Variants in PPP3R1 observed in about 807,000 individuals in gnomAD.
The protein encoded by PPP3R1 is protein phosphatase 3 regulatory subunit B, alpha, also known as calcineurin subunit B type 1.
In PPP3R1, 5 loss-of-function variants were observed where a neutral mutation model predicts 22.6. The observed-to-expected ratio is 0.22, with a 90% CI of 0.12 to 0.46. PPP3R1 has a LOEUF of 0.46. Among genes scored for constraint, PPP3R1 ranks in the 20% least tolerant of loss-of-function variants. PPP3R1 has a pLI of 0.99. For synonymous variants in PPP3R1, 56 were observed against 65.2 expected (o/e 0.86, Z 0.68); for missense variants, 61 against 203.2 (o/e 0.30, Z 4.25).
Position 68,238,740 on chromosome 2 carries a change from T to C in PPP3R1, c.3+13385A>G, listed in dbSNP as rs1229126420. Among the ~76,000 whole-genome samples, 9 of 152,176 alleles carry C rather than the reference T, an allele frequency of 5.9e-5. 1 individual carries two copies. The South Asian group carries it at 1.7e-3, about 28-fold the overall frequency. ...ACCTGAGAAATAAATGGTAGCACAA[T>C]GATGTCAATGGCAATGGGGATGAAG... On this transcript the variant is annotated intron_variant, in intron 1 of 5. Transcript: ENST00000234310.
At chr2:68,236,755 C>A (rs185367508) in intron 1 of PPP3R1, among the ~76,000 whole-genome samples, 1 of 152,110 alleles carries the variant, frequency 6.6e-6, no homozygotes, top group East Asian at 1.9e-4. Flanking sequence ...TGGAAAGTAA[C>A]CTAGGGCCAG....
chr2:68,196,678 C>CA (rs1160773630), intron 2 of PPP3R1, among the ~76,000 whole-genome samples: 1 of 151,846 alleles, frequency 6.6e-6, no homozygotes, highest in African/African-American at 2.4e-5. Flanking sequence ...GTCAAATATG[C>CA]AAAAACTCGG....
At chr2:68,216,261 C>T (rs533104765) in intron 2 of PPP3R1, among the ~76,000 whole-genome samples, 43 of 152,184 alleles carry the variant, frequency 2.8e-4, no homozygotes, top group Non-Finnish European at 5.6e-4. Context: ...AACATCCAAT[C>T]TTTCAAACAT....
At chr2:68,184,221 T>G (rs1030007734) in intron 5 of PPP3R1, among the ~76,000 whole-genome samples, 1 of 152,204 alleles carries the variant, frequency 6.6e-6, no homozygotes, top group Non-Finnish European at 1.5e-5. Flanking sequence ...TCTTTCTGTT[T>G]TTAGCCTCAC....
intron 2 of PPP3R1, among the ~76,000 whole-genome samples, chr2:68,203,827 G>C (rs533383151): frequency 1.3e-5 from 2 of 152,300 alleles, no homozygotes; most frequent in South Asian, 4.1e-4. Context: ...AACAGAAACA[G>C]CGTTCTAACG....
intron 1 of PPP3R1, among the ~76,000 whole-genome samples, chr2:68,228,437 C>A (rs1669827733): frequency 6.6e-6 from 1 of 152,078 alleles, no homozygotes; most frequent in Non-Finnish European, 1.5e-5. Flanking sequence ...GGAACTGGTT[C>A]ATTACTTCAA....
intron 2 of PPP3R1, among the ~76,000 whole-genome samples, chr2:68,205,179 C>T (rs764133506): frequency 2.0e-5 from 3 of 151,796 alleles, no homozygotes; most frequent in Non-Finnish European, 4.4e-5. Context: ...TATCTATATC[C>T]CACCCCAGTT....
At chr2:68,228,326 G>C (rs1427042453) in intron 1 of PPP3R1, among the ~76,000 whole-genome samples, 1 of 152,122 alleles carries the variant, frequency 6.6e-6, no homozygotes, top group East Asian at 1.9e-4. Flanking sequence ...CTGACATGAG[G>C]ATGTTGGTCC....
At chr2:68,230,003 C>G (rs1002942198) in intron 1 of PPP3R1, among the ~76,000 whole-genome samples, 1 of 123,340 alleles carries the variant, frequency 8.1e-6, no homozygotes, top group Admixed American at 8.3e-5. Context: ...CACACACACA[C>G]ACACACACAT....
intron 1 of PPP3R1, among the ~76,000 whole-genome samples, chr2:68,242,679 T>C (rs1375493301): frequency 2.6e-5 from 4 of 152,204 alleles, no homozygotes; most frequent in Admixed American, 6.5e-5. Flanking sequence ...ATCACGTGTT[T>C]TTCCTGAGAT....
At position 68,232,085 on chromosome 2, in the gene PPP3R1, C is replaced by A. The variant is rs1341710021; in HGVS notation, c.4-14954G>T. On this transcript the variant is annotated intron_variant, in intron 1 of 5. Transcript: ENST00000234310. Reference sequence around the variant, plus strand: ...GACCAGCCAGGACAACATGGGAATACCCGTATCTACTAAAAAAAAAAAAAT... The same window carrying A: ...GACCAGCCAGGACAACATGGGAATAACCGTATCTACTAAAAAAAAAAAAAT... Among the ~76,000 whole-genome samples, 11 of 124,386 alleles carry A rather than the reference C, an allele frequency of 8.8e-5. No homozygotes were observed. In the East Asian group the frequency reaches 2.7e-3, roughly 30 times the overall value. The allele number at this position is 124,386 out of a possible 152,430, so 81.6% of individuals were successfully genotyped here. A position where few individuals can be genotyped will look rare whatever the true frequency, so the allele number is the denominator to read the frequency against.
chr2:68,215,193 C>G (rs1372103990), intron 2 of PPP3R1, among the ~76,000 whole-genome samples: 1 of 152,004 alleles, frequency 6.6e-6, no homozygotes, highest in South Asian at 2.1e-4. Context: ...ATGCTTATTA[C>G]CTGGATGGCA....
intron 5 of PPP3R1, 39 bp from the exon 6 acceptor site, chr2:68,181,049 G>C (rs368218282): frequency 2.2e-5 from 34 of 1,580,900 alleles, no homozygotes; most frequent in Non-Finnish European, 2.7e-5. Flanking sequence ...CACAGTGTCT[G>C]AGAAACTCCT....
Position 68,217,133 on chromosome 2 carries a change from TG to T in PPP3R1, c.4-3del, listed in dbSNP as rs1231450498. 1.9e-6 allele frequency: 3 copies of T among 1,587,332 alleles called. No homozygotes were observed. Among genetic ancestry groups the T allele is most frequent in the Non-Finnish European group, 2.6e-6 (3 of 1,161,726 alleles). On this transcript the variant is annotated splice_polypyrimidine_tract_variant and splice_region_variant and intron_variant, in intron 1 of 5. Transcript: ENST00000234310. ...CAAAGGATAACTTGCCTCATTTCCC[TG>T]GGGGGAAAGAAAGAAATAATTAGTC... is the stretch of plus-strand genomic sequence containing the variant.
At chr2:68,205,393 C>T (rs1320281386) in intron 2 of PPP3R1, among the ~76,000 whole-genome samples, 3 of 151,978 alleles carry the variant, frequency 2.0e-5, no homozygotes, top group Non-Finnish European at 2.9e-5. Context: ...CAGGCATGCA[C>T]CACCATGCCC....
intron 1 of PPP3R1, 42 bp downstream of exon 1, chr2:68,252,083 A>G: frequency 1.4e-6 from 2 of 1,390,972 alleles, no homozygotes; most frequent in Non-Finnish European, 9.5e-7. Flanking sequence ...GGACGGCGGC[A>G]GTAGGGGGAG....
intron 2 of PPP3R1, among the ~76,000 whole-genome samples, chr2:68,190,347 C>T (rs1481671962): frequency 3.3e-5 from 5 of 151,106 alleles, no homozygotes; most frequent in African/African-American, 1.2e-4. Flanking sequence ...GGTGGATCAC[C>T]TGAGGTCAGG....
chr2:68,206,152 G>A (rs1364522710), intron 2 of PPP3R1, among the ~76,000 whole-genome samples: 4 of 152,172 alleles, frequency 2.6e-5, no homozygotes, highest in Non-Finnish European at 5.9e-5. Flanking sequence ...AAAGAACAGA[G>A]AGAAACTTCC....
chr2:68,251,664 TGTAA>T (rs1670358978), intron 1 of PPP3R1, among the ~76,000 whole-genome samples: 3 of 152,134 alleles, frequency 2.0e-5, no homozygotes, highest in Non-Finnish European at 2.9e-5. Context: ...GTGGGTCTTA[TGTAA>T]AGTGCCATTT....
Sources: gnomAD v4.1 joint callset for allele counts (sites outside exome capture counted in the v4.1 genomes callset) on GRCh38, gnomAD v4.1.1 for gene constraint, MANE v1.5 for transcripts, NCBI Gene and HGNC (gene_info 2026-07-23, HGNC 2026-07-21) for gene names.